The following ADAMTSL1 variants were observed in gnomAD, a reference collection of about 807,000 sequenced individuals.
ADAMTSL1 encodes the protein ADAMTS-like protein 1.
A neutral mutation model predicts 201.8 loss-of-function variants in ADAMTSL1; 126 were observed. The ratio of observed to expected loss-of-function variants is 0.62; its 90% CI spans 0.54 to 0.72. The LOEUF (loss-of-function observed/expected upper bound fraction) is 0.72, where lower values mean the gene tolerates loss of function less well. Among genes scored for constraint, ADAMTSL1 ranks in the 30% least tolerant of loss-of-function variants. The pLI is 0.00. For missense variants in ADAMTSL1, 2,679 were observed against 2,277.8 expected, an observed-to-expected ratio of 1.18 and a Z score of -3.59; for synonymous variants, 1,121 against 903.4, an observed-to-expected ratio of 1.24 and a Z score of -4.32.
At chr9:18,013,114 C>T (rs569690615) in intron 1 of ADAMTSL1, among the ~76,000 whole-genome samples, 1 of 151,924 alleles carries the variant, frequency 6.6e-6, no homozygotes, top group African/African-American at 2.4e-5. Flanking sequence ...CTCTGAACAC[C>T]TAGCACTGTA....
At chr9:18,768,789 G>T (rs924797774) in intron 16 of ADAMTSL1, among the ~76,000 whole-genome samples, 1 of 152,120 alleles carries the variant, frequency 6.6e-6, no homozygotes, top group Non-Finnish European at 1.5e-5. Context: ...CTCCGGTGGG[G>T]TCCAAACAAC....
At chr9:18,541,137 A>G (rs529896732) in intron 3 of ADAMTSL1, among the ~76,000 whole-genome samples, 1 of 152,318 alleles carries the variant, frequency 6.6e-6, no homozygotes. Context: ...GTACACTGAT[A>G]CAACAAAATT....
At chr9:17,934,183 G>A (rs1429616855) in intron 1 of ADAMTSL1, among the ~76,000 whole-genome samples, 2 of 152,096 alleles carry the variant, frequency 1.3e-5, no homozygotes, top group Non-Finnish European at 2.9e-5. Context: ...GGATTATTGT[G>A]CATACATAGG....
intron 2 of ADAMTSL1, among the ~76,000 whole-genome samples, chr9:18,514,756 T>G (rs1240225878): frequency 6.6e-6 from 1 of 152,238 alleles, no homozygotes; most frequent in African/African-American, 2.4e-5. Flanking sequence ...TTTAACTTCT[T>G]CCTTTCTTTT....
chr9:18,566,923 G>A lies in ADAMTSL1; in HGVS notation c.238-7107G>A, dbSNP rs547168154. On this transcript the variant is annotated intron_variant, in intron 3 of 28. Coordinates refer to ENST00000380548, the MANE Select transcript of ADAMTSL1 (RefSeq NM_001040272.6). ...TCAGATTCTGTGTTTTTTGTGTATAGAAAAATAGTTCTGATGGATTGGATA... is the reference window on the plus strand; with the variant it reads ...TCAGATTCTGTGTTTTTTGTGTATAAAAAAATAGTTCTGATGGATTGGATA... 2.0e-5 allele frequency among the ~76,000 whole-genome samples: 3 copies of A among 152,282 alleles called. 1 individual carries two copies. In the South Asian group the frequency reaches 6.2e-4, roughly 32 times the overall value.
rs59026505 is a variant in ADAMTSL1 at position 18,254,345 on chromosome 9, G to GTTTTTTTTTTTTTTTT, written c.207+90384_207+90399dup. 2.4e-4 allele frequency among the ~76,000 whole-genome samples: 12 copies of GTTTTTTTTTTTTTTTT among 49,364 alleles called. 3 individuals carry two copies. Among genetic ancestry groups the GTTTTTTTTTTTTTTTT allele is most frequent in the Non-Finnish European group, 3.5e-4 (10 of 28,706 alleles). 32.4% of individuals were successfully genotyped at this position (49,364 alleles called of 152,430 possible). A position where few individuals can be genotyped will look rare whatever the true frequency, so the allele number is the denominator to read the frequency against. ...GGAACTACCGTCAATACTCTTTTTG[G>GTTTTTTTTTTTTTTTT]TTTTTTTTTTTTTTTTTTTTTTTTT... On this transcript the variant is annotated intron_variant, in intron 2 of 29. Coordinates refer to the ADAMTSL1 transcript ENST00000680146.
intron 1 of ADAMTSL1, among the ~76,000 whole-genome samples, chr9:18,057,236 T>G (rs913475340): frequency 1.3e-5 from 2 of 152,200 alleles, no homozygotes; most frequent in African/African-American, 4.8e-5. Flanking sequence ...TTTTCCTGTG[T>G]GTGGAACTGA....
chr9:18,094,325 T>C (rs775502670), intron 1 of ADAMTSL1, among the ~76,000 whole-genome samples: 6 of 152,212 alleles, frequency 3.9e-5, no homozygotes, highest in Non-Finnish European at 5.9e-5. Flanking sequence ...TATCTGCCTC[T>C]ATCTCTATTC....
intron 1 of ADAMTSL1, among the ~76,000 whole-genome samples, chr9:18,098,549 T>G (rs1308875438): frequency 6.6e-6 from 1 of 152,238 alleles, no homozygotes; most frequent in African/African-American, 2.4e-5. Flanking sequence ...AACATGTAAT[T>G]GATTTGCATA....
chr9:18,239,529 A>T (rs1034546981), intron 2 of ADAMTSL1, among the ~76,000 whole-genome samples: 17 of 152,154 alleles, frequency 1.1e-4, no homozygotes, highest in Non-Finnish European at 2.4e-4. Context: ...ACTTGAGGCC[A>T]GGAGTTTGAG....
intron 2 of ADAMTSL1, among the ~76,000 whole-genome samples, chr9:18,298,335 G>A (rs1021925726): frequency 6.6e-6 from 1 of 152,176 alleles, no homozygotes; most frequent in Admixed American, 6.5e-5. Context: ...GACTCTTCTT[G>A]TTTAATTGAA....
Position 18,779,036 on chromosome 9 carries a change from T to C in ADAMTSL1, c.3677+1130T>C, listed in dbSNP as rs562324811. Among the ~76,000 whole-genome samples, 6 of 152,384 alleles carry C rather than the reference T, an allele frequency of 3.9e-5. No individual in the cohort carries two copies. The South Asian group carries it at 1.2e-3, about 32-fold the overall frequency. ...GTAAGGAAGGAAAGAAGCCAGCATTTATTGTTCCAGGCACTATGCCAAGTT... is the reference window on the plus strand; with the variant it reads ...GTAAGGAAGGAAAGAAGCCAGCATTCATTGTTCCAGGCACTATGCCAAGTT... On this transcript the variant is annotated intron_variant, in intron 19 of 28. Coordinates refer to ENST00000380548, the MANE Select transcript of ADAMTSL1 (RefSeq NM_001040272.6).
chr9:18,785,992 G>T (rs1821686107), intron 19 of ADAMTSL1, among the ~76,000 whole-genome samples: 1 of 152,102 alleles, frequency 6.6e-6, no homozygotes, highest in South Asian at 2.1e-4. Flanking sequence ...TAACACTATT[G>T]AACCAGGAGT....
intron 7 of ADAMTSL1, 60 bp downstream of exon 7, chr9:18,639,471 T>A: frequency 6.4e-7 from 1 of 1,570,790 alleles, no homozygotes. Flanking sequence ...TACTTATAAT[T>A]TCCTGAGCAG....
intron 2 of ADAMTSL1, among the ~76,000 whole-genome samples, chr9:18,510,110 C>T (rs1017172805): frequency 6.6e-6 from 1 of 152,136 alleles, no homozygotes; most frequent in Non-Finnish European, 1.5e-5. Flanking sequence ...AATTTTCTAG[C>T]TCTAGTAATA....
intron 1 of ADAMTSL1, among the ~76,000 whole-genome samples, chr9:18,489,104 G>C (rs555054559): frequency 1.3e-5 from 2 of 152,246 alleles, no homozygotes; most frequent in South Asian, 4.2e-4. Flanking sequence ...TCTGGGGAGA[G>C]ACCCAGACAT....
intron 2 of ADAMTSL1, among the ~76,000 whole-genome samples, chr9:18,233,626 A>G (rs1164618886): frequency 2.6e-5 from 4 of 152,182 alleles, no homozygotes; most frequent in Non-Finnish European, 4.4e-5. Flanking sequence ...GCAGACAAAG[A>G]GATGAGAAAT....
At chr9:18,860,440 G>A (rs906748291) in intron 23 of ADAMTSL1, among the ~76,000 whole-genome samples, 1 of 151,912 alleles carries the variant, frequency 6.6e-6, no homozygotes, top group Admixed American at 6.6e-5. Context: ...AGTTACAATG[G>A]CAGAGTTGAG....
intron 9 of ADAMTSL1, among the ~76,000 whole-genome samples, chr9:18,664,494 T>G (rs1306519748): frequency 6.6e-6 from 1 of 152,106 alleles, no homozygotes; most frequent in Non-Finnish European, 1.5e-5. Context: ...AAAACCAACG[T>G]TCTTGGTATA....
Sources: gnomAD v4.1 joint callset for allele counts (sites outside exome capture counted in the v4.1 genomes callset) on GRCh38, gnomAD v4.1.1 for gene constraint, MANE v1.5 for transcripts, NCBI Gene and HGNC (gene_info 2026-07-23, HGNC 2026-07-21) for gene names.